The following ABLIM1 variants were observed in gnomAD, a reference collection of about 807,000 sequenced individuals.
ABLIM1 encodes actin binding LIM protein 1, also known as actin-binding LIM protein 1.
In ABLIM1, 40 loss-of-function variants were observed where a neutral mutation model predicts 107.0. The ratio of observed to expected loss-of-function variants is 0.37; its 90% CI spans 0.29 to 0.49. ABLIM1 has a LOEUF of 0.49. Among genes scored for constraint, ABLIM1 ranks in the 20% least tolerant of loss-of-function variants. ABLIM1 has a pLI of 0.97. For missense variants in ABLIM1, 857 were observed against 1,008.5 expected, an observed-to-expected ratio of 0.85 and a Z score of 2.04; for synonymous variants, 357 against 357.3, an observed-to-expected ratio of 1.00 and a Z score of 0.01.
intron 16 of ABLIM1, 99 bp downstream of exon 16, chr10:114,445,213 C>T: frequency 5.4e-6 from 6 of 1,103,532 alleles, no homozygotes; most frequent in South Asian, 1.3e-5. Context: ...GGGACCACCT[C>T]TTGCCTATCT....
chr10:114,637,492 G>A (rs558374363), intron 1 of ABLIM1, among the ~76,000 whole-genome samples: 1 of 152,246 alleles, frequency 6.6e-6, no homozygotes, highest in South Asian at 2.1e-4. Flanking sequence ...GAATCTCATA[G>A]AATCAATGCC....
At chr10:114,575,673 G>A (rs1393588282) in intron 2 of ABLIM1, 74 bp from the exon 3 acceptor site, 3 of 1,453,088 alleles carry the variant, frequency 2.1e-6, no homozygotes, top group African/African-American at 2.8e-5. Context: ...AGTGAATACT[G>A]ACTGGTTGCT....
chr10:114,548,324 C>T (rs993789385), intron 4 of ABLIM1, among the ~76,000 whole-genome samples: 6 of 152,204 alleles, frequency 3.9e-5, no homozygotes, highest in Non-Finnish European at 8.8e-5. Context: ...AATTCCTTAG[C>T]TCTCAATTCT....
intron 6 of ABLIM1, among the ~76,000 whole-genome samples, chr10:114,514,218 G>A (rs2062419407): frequency 1.3e-5 from 2 of 152,014 alleles, no homozygotes; most frequent in Non-Finnish European, 2.9e-5. Context: ...GAATGGGAGG[G>A]GGAAAGGGGA....
At chr10:114,613,991 A>G (rs2076974653) in intron 1 of ABLIM1, among the ~76,000 whole-genome samples, 1 of 152,162 alleles carries the variant, frequency 6.6e-6, no homozygotes. Flanking sequence ...CCTCTGCTTG[A>G]GTGGAGAAGA....
upstream of ABLIM1, among the ~76,000 whole-genome samples, chr10:114,770,303 T>G (rs1477493581): frequency 6.6e-6 from 1 of 152,162 alleles, no homozygotes; most frequent in Non-Finnish European, 1.5e-5. Flanking sequence ...GTGAACAAGA[T>G]AGACATGATC....
chr10:114,630,853 A>G (rs553439361), intron 1 of ABLIM1, among the ~76,000 whole-genome samples: 200 of 152,340 alleles, frequency 1.3e-3, no homozygotes, highest in African/African-American at 4.7e-3. Flanking sequence ...GTGGTTATTT[A>G]CATTATAAAA....
intron 6 of ABLIM1, among the ~76,000 whole-genome samples, chr10:114,500,718 GA>G (rs2060287502): frequency 1.8e-5 from 2 of 113,332 alleles, no homozygotes; most frequent in South Asian, 3.0e-4. Context: ...GAAGGGAAGG[GA>G]AAGGAAGGGA....
At chr10:114,769,340 C>T (rs958197155), upstream of ABLIM1, among the ~76,000 whole-genome samples, 2 of 141,652 alleles carry the variant, frequency 1.4e-5, no homozygotes, top group Non-Finnish European at 3.0e-5. Context: ...AAGACTCCAT[C>T]GAGATAAGAA....
the ABLIM1 span, among the ~76,000 whole-genome samples, chr10:114,782,899 G>T: frequency 6.6e-6 from 1 of 152,102 alleles, no homozygotes; most frequent in Non-Finnish European, 1.5e-5. Context: ...AAGAACCATG[G>T]ATGATGCTTA....
At chr10:114,580,906 T>C (rs1030105899) in intron 2 of ABLIM1, among the ~76,000 whole-genome samples, 1 of 152,198 alleles carries the variant, frequency 6.6e-6, no homozygotes, top group African/African-American at 2.4e-5. Flanking sequence ...AAAGCATAGA[T>C]TCCTTTCATT....
chr10:114,534,270 G>A (rs2065755983), intron 6 of ABLIM1, among the ~76,000 whole-genome samples: 1 of 152,114 alleles, frequency 6.6e-6, no homozygotes, highest in Non-Finnish European at 1.5e-5. Context: ...TCCTTCTGAT[G>A]CCCTGATGTG....
intron 1 of ABLIM1, among the ~76,000 whole-genome samples, chr10:114,693,007 C>T (rs2081116282): frequency 6.6e-6 from 1 of 152,228 alleles, no homozygotes; most frequent in South Asian, 2.1e-4. Flanking sequence ...AGAAACAAAA[C>T]TGCCTTTAGC....
chr10:114,500,288 T>C (rs1194458247), intron 6 of ABLIM1, among the ~76,000 whole-genome samples: 1 of 152,184 alleles, frequency 6.6e-6, no homozygotes, highest in East Asian at 1.9e-4. Flanking sequence ...ACTTTCATCA[T>C]AGAGTAGAAA....
At chr10:114,471,670 TAAAATAA>T (rs1415013602) in intron 10 of ABLIM1, among the ~76,000 whole-genome samples, 2 of 151,780 alleles carry the variant, frequency 1.3e-5, no homozygotes, top group African/African-American at 2.4e-5. Context: ...ACAATATATA[TAAAATAA>T]AAAATAAACA....
intron 1 of ABLIM1, among the ~76,000 whole-genome samples, chr10:114,701,360 T>G (rs1248313406): frequency 3.3e-5 from 5 of 152,142 alleles, no homozygotes; most frequent in Admixed American, 3.3e-4. Context: ...GTTTGACAAT[T>G]TTTCTTATTA....
At chr10:114,558,011 A>C (rs1458094199) in intron 4 of ABLIM1, among the ~76,000 whole-genome samples, 1 of 152,150 alleles carries the variant, frequency 6.6e-6, no homozygotes, top group East Asian at 1.9e-4. Context: ...TTGGACAGTC[A>C]GGGAGATAGA....
chr10:114,644,306 A>AATAT (rs1244613103), intron 1 of ABLIM1, among the ~76,000 whole-genome samples: 3,671 of 51,904 alleles, frequency 0.071, 193 homozygotes, highest in East Asian at 0.092. Flanking sequence ...AAAAAAAAAA[A>AATAT]ATATATATAT....
At chr10:114,547,554 C>T in intron 5 of ABLIM1, 96 bp downstream of exon 5, 2 of 1,506,176 alleles carry the variant, frequency 1.3e-6, no homozygotes, top group Middle Eastern at 1.9e-4. Flanking sequence ...AATTTCAGCA[C>T]CATTGATGGG....
Sources: allele counts gnomAD v4.1 joint callset (sites outside exome capture counted in the v4.1 genomes callset), GRCh38; gene constraint gnomAD v4.1.1; transcripts MANE v1.5; gene names NCBI Gene and HGNC (gene_info 2026-07-23, HGNC 2026-07-21).